The following CREB5 variants were observed in gnomAD, a reference collection of about 807,000 sequenced individuals.
CREB5 encodes cAMP responsive element binding protein 5, also known as cyclic AMP-responsive element-binding protein 5.
CREB5 carries 19 observed loss-of-function variants against 57.1 expected under a neutral mutation model. The ratio of observed to expected loss-of-function variants is 0.33; its 90% confidence interval spans 0.23 to 0.49. CREB5 has a LOEUF of 0.49. Among genes scored for constraint, CREB5 ranks in the 20% least tolerant of loss-of-function variants. The pLI is 0.99. For missense variants in CREB5, 579 were observed against 671.6 expected (o/e 0.86, Z 1.52); for synonymous variants, 238 against 238.3 (o/e 1.00, Z 0.01).
chr7:28,371,816 G>A (rs759046429), intron 1 of CREB5, among the ~76,000 whole-genome samples: 11 of 113,200 alleles, frequency 9.7e-5, no homozygotes, highest in African/African-American at 3.3e-4. Flanking sequence ...GAGCCCCGAG[G>A]GCAGGCTGTC....
chr7:28,445,032 G>A (rs4722797), intron 1 of CREB5, among the ~76,000 whole-genome samples: 40,429 of 152,030 alleles, frequency 0.27, 5,671 homozygotes, highest in African/African-American at 0.29. Context: ...TGAATCATGA[G>A]GTTGGGCGTT....
chr7:28,317,521 G>A (rs552169003), intron 1 of CREB5, among the ~76,000 whole-genome samples: 143 of 152,320 alleles, frequency 9.4e-4, no homozygotes, highest in Middle Eastern at 3.4e-3. Context: ...GCATCAAGAG[G>A]CAAAAGAACA....
intron 1 of CREB5, among the ~76,000 whole-genome samples, chr7:28,486,573 AACTC>A (rs1204392059): frequency 6.6e-6 from 1 of 150,564 alleles, no homozygotes; most frequent in East Asian, 1.9e-4. Context: ...GTACAAATCG[AACTC>A]TAAGAAAGGT....
intron 2 of CREB5, among the ~76,000 whole-genome samples, chr7:28,492,608 A>T (rs1482008270): frequency 6.6e-6 from 1 of 152,032 alleles, no homozygotes; most frequent in African/African-American, 2.4e-5. Context: ...GTTATTTAAG[A>T]AGTATTCTGG....
At chr7:28,674,729 T>C (rs1442792572) in intron 5 of CREB5, among the ~76,000 whole-genome samples, 1 of 152,228 alleles carries the variant, frequency 6.6e-6, no homozygotes, top group East Asian at 1.9e-4. Context: ...ATCCAGACTA[T>C]TGCAAAATAT....
intron 5 of CREB5, among the ~76,000 whole-genome samples, chr7:28,593,573 G>A (rs1796598631): frequency 6.6e-6 from 1 of 152,180 alleles, no homozygotes; most frequent in South Asian, 2.1e-4. Context: ...TACACACATA[G>A]AAGATGCCTC....
rs1252409586 is a variant in CREB5 at position 28,822,985 on chromosome 7, T to C, written c.*3706T>C. ...TTAGGGTGACTTAGAGCAAATACTC[T>C]TCAGATCCTATGTAGTCAGTGAAAC... On this transcript the variant is annotated 3_prime_UTR_variant, in exon 11 of 11. Transcript: ENST00000357727. 6.6e-6 allele frequency: 1 copy of C among 152,638 alleles called. No individual in the cohort carries two copies. The highest frequency in any genetic ancestry group is 1.9e-4 in the East Asian group (1 of 5,190). 9.5% of individuals were successfully genotyped at this position (152,638 alleles called of 1,614,324 possible). A position where few individuals can be genotyped will look rare whatever the true frequency, so the allele number is the denominator to read the frequency against.
intron 1 of CREB5, among the ~76,000 whole-genome samples, chr7:28,389,632 CT>C (rs111405837): frequency 0.33 from 48,866 of 146,428 alleles, 8,335 homozygotes; most frequent in East Asian, 0.52. Flanking sequence ...CTATACTAAA[CT>C]TTTTTTTTTT....
intron 5 of CREB5, among the ~76,000 whole-genome samples, chr7:28,614,066 C>T (rs1209177862): frequency 6.6e-6 from 1 of 152,134 alleles, no homozygotes; most frequent in Non-Finnish European, 1.5e-5. Context: ...CTCAAGAGAT[C>T]CTCTCACCTC....
At chr7:28,637,439 T>TAC (rs377372562) in intron 5 of CREB5, among the ~76,000 whole-genome samples, 7 of 152,202 alleles carry the variant, frequency 4.6e-5, no homozygotes, top group African/African-American at 1.7e-4. Flanking sequence ...AAAAACAAGA[T>TAC]ACAATTCTAA....
intron 7 of CREB5, among the ~76,000 whole-genome samples, chr7:28,759,871 G>T (rs955544775): frequency 6.6e-5 from 10 of 152,194 alleles, no homozygotes; most frequent in Admixed American, 1.3e-4. Flanking sequence ...GTATGCCGTG[G>T]TTGTTTATTA....
chr7:28,383,851 T>C (rs1380427384), intron 1 of CREB5, among the ~76,000 whole-genome samples: 1 of 152,210 alleles, frequency 6.6e-6, no homozygotes, highest in African/African-American at 2.4e-5. Flanking sequence ...AGGATGCATT[T>C]CCTTAGTTGA....
chr7:28,435,381 ATTTTTT>A (rs34815040), intron 1 of CREB5, among the ~76,000 whole-genome samples: 6 of 103,516 alleles, frequency 5.8e-5, no homozygotes, highest in Non-Finnish European at 1.2e-4. Flanking sequence ...TTTCCCTTCC[ATTTTTT>A]TTTTTTTTTT....
At chr7:28,802,678 G>T (rs2128799224) in intron 7 of CREB5, among the ~76,000 whole-genome samples, 1 of 152,366 alleles carries the variant, frequency 6.6e-6, no homozygotes, top group South Asian at 2.1e-4. Flanking sequence ...CTCGGGATAT[G>T]ATGATAATTG....
intron 7 of CREB5, among the ~76,000 whole-genome samples, chr7:28,775,950 G>C (rs968781168): frequency 6.6e-6 from 1 of 152,036 alleles, no homozygotes; most frequent in African/African-American, 2.4e-5. Flanking sequence ...TTTACAAATG[G>C]GGAAACTGAC....
At chr7:28,727,071 C>T (rs10486590) in intron 7 of CREB5, among the ~76,000 whole-genome samples, 9,310 of 151,508 alleles carry the variant, frequency 0.061, 368 homozygotes, top group Non-Finnish European at 0.092. Context: ...AGTTCTCCAG[C>T]GCATTAATCT....
intron 9 of CREB5, among the ~76,000 whole-genome samples, 153 bp downstream of exon 9, chr7:28,809,567 A>G (rs909749878): frequency 3.3e-5 from 5 of 152,182 alleles, no homozygotes; most frequent in Admixed American, 2.0e-4. Flanking sequence ...TATTAATTCC[A>G]GGACACCCTG....
chr7:28,347,374 C>T (rs776941314), intron 1 of CREB5, among the ~76,000 whole-genome samples: 27 of 152,140 alleles, frequency 1.8e-4, no homozygotes, highest in Admixed American at 6.5e-4. Context: ...TGATTTAATA[C>T]GACTTAGAAG....
At chr7:28,547,167 G>C (rs192241253) in intron 4 of CREB5, among the ~76,000 whole-genome samples, 1 of 152,240 alleles carries the variant, frequency 6.6e-6, no homozygotes, top group Admixed American at 6.5e-5. Flanking sequence ...GTATCGACCT[G>C]TGTGAGAATA....
Sources: gnomAD v4.1 joint callset for allele counts (sites outside exome capture counted in the v4.1 genomes callset) on GRCh38, gnomAD v4.1.1 for gene constraint, MANE v1.5 for transcripts, NCBI Gene and HGNC (gene_info 2026-07-23, HGNC 2026-07-21) for gene names.